Variants in VSTM2B observed in about 807,000 individuals in gnomAD.
The protein encoded by VSTM2B is V-set and transmembrane domain containing 2B.
In VSTM2B, 24 loss-of-function variants were observed where a neutral mutation model predicts 24.0. The observed-to-expected ratio is 1.00, with a 90% CI of 0.72 to 1.40. The LOEUF (loss-of-function observed/expected upper bound fraction) is 1.40. Ranked by LOEUF, VSTM2B falls within the 40% of genes most tolerant of loss-of-function variation. The probability of loss-of-function intolerance (pLI) is 0.00; values close to 1 mark genes in which losing one functional copy is unlikely to be tolerated. For missense variants in VSTM2B, 399 were observed against 416.4 expected, an observed-to-expected ratio of 0.96 and a Z score of 0.36; for synonymous variants, 226 against 194.4, an observed-to-expected ratio of 1.16 and a Z score of -1.35.
chr19:29,526,632 C>T lies in VSTM2B; in HGVS notation c.49C>T (p.Leu17=). Residue 17 remains leucine, a synonymous_variant, in exon 1 of 5, where the codon CTG becomes TTG. Transcript: ENST00000335523. The surrounding 1 kb of genome is among the most constrained non-coding windows in gnomAD (Gnocchi z 4.1). ...TGCCCTCGGATACCTGCCGCCTCTG[C>T]TGCTGCATGCCCTGCTGCTCTTCGT... is the stretch of plus-strand genomic sequence containing the variant. ...LGALGYLPPL[L]LHALLLFVAD... The T allele has an allele frequency of 6.5e-7, 1 of 1,531,296 alleles. No homozygotes were observed. The allele number at this position is 1,531,296 out of a possible 1,614,324, so 94.9% of individuals were successfully genotyped here. A position where few individuals can be genotyped will look rare whatever the true frequency, so the allele number is the denominator to read the frequency against.
chr19:29,529,952 C>A lies in VSTM2B; in HGVS notation c.431C>A (p.Ala144Glu), dbSNP rs1247409276. ...GACACGCAGGAGCACAAGGCCCAGG[C>A]GATGCTGCGCGTGCTCTCGCGCTTC... ...DDDTQEHKAQAMLRVLSRFAP... is the reference protein window; with the variant it reads ...DDDTQEHKAQEMLRVLSRFAP... Residue 144 changes from alanine (A) to glutamate (E), a missense_variant, in exon 4 of 5, where the codon GCG becomes GAG. Ala to Glu is a moderately radical substitution (Grantham distance 107). Coordinates refer to ENST00000335523, the MANE Select transcript of VSTM2B (RefSeq NM_001146339.2). 3.2e-6 allele frequency: 5 copies of A among 1,548,878 alleles called. No individual in the cohort carries two copies. The highest frequency in any genetic ancestry group is 3.9e-5 in the Admixed American group (2 of 50,986).
intron 4 of VSTM2B, among the ~76,000 whole-genome samples, chr19:29,531,660 G>A (rs1464926672): frequency 6.6e-6 from 1 of 152,210 alleles, no homozygotes; most frequent in East Asian, 1.9e-4. Flanking sequence ...ATGCCACACA[G>A]GAGCCCACAA....
rs984591487 is a variant in VSTM2B at position 29,564,055 on chromosome 19, A to T, written c.*121A>T. The T allele has an allele frequency of 1.4e-6, 1 of 727,028 alleles. No homozygotes were observed. Among genetic ancestry groups the T allele is most frequent in the Admixed American group, 2.8e-5 (1 of 36,174 alleles). 45.0% of individuals were successfully genotyped at this position (727,028 alleles called of 1,614,324 possible). On this transcript the variant is annotated 3_prime_UTR_variant, in exon 5 of 5. Coordinates refer to ENST00000335523, the MANE Select transcript of VSTM2B (RefSeq NM_001146339.2). Reference sequence around the variant, plus strand: ...GAGACGCATGAAAAAGTCCACATGGAAAATAAATAAATCATATTTTTGGGA... The same window carrying T: ...GAGACGCATGAAAAAGTCCACATGGTAAATAAATAAATCATATTTTTGGGA...
chr19:29,544,911 C>T (rs958192132), intron 4 of VSTM2B, among the ~76,000 whole-genome samples: 5 of 152,292 alleles, frequency 3.3e-5, no homozygotes, highest in African/African-American at 4.8e-5. Context: ...GTCAGGGTTC[C>T]GGCACCGTGC....
intron 3 of VSTM2B, 61 bp downstream of exon 3, chr19:29,528,523 G>T: frequency 6.5e-7 from 1 of 1,545,238 alleles, no homozygotes; most frequent in South Asian, 1.2e-5. Flanking sequence ...GGGTCCCGCA[G>T]CTCCCTCCCT....
At position 29,526,885 on chromosome 19, in the gene VSTM2B, C is replaced by T. The variant is rs989662853; in HGVS notation, c.82+220C>T. 8.2e-6 allele frequency: 4 copies of T among 488,830 alleles called. No individual in the cohort carries two copies. Among genetic ancestry groups the T allele is most frequent in the Non-Finnish European group, 1.1e-5 (3 of 282,762 alleles). 30.3% of individuals were successfully genotyped at this position (488,830 alleles called of 1,614,324 possible). ...GTTCCCAGTCCCGCCGGGGCCCCGG[C>T]TGCGGAAAGGATGCCTGCGGGGAGC... On this transcript the variant is annotated intron_variant, in intron 1 of 4. Transcript: ENST00000335523. This position sits in a 1 kb window ranked among gnomAD's most constrained non-coding sequence, Gnocchi z 4.1.
At chr19:29,528,933 G>A (rs905397837) in intron 3 of VSTM2B, 160 of 985,350 alleles carry the variant, frequency 1.6e-4, no homozygotes, top group Non-Finnish European at 1.8e-4. Context: ...TGGGTGCGGG[G>A]TGTTGCAGGC....
intron 4 of VSTM2B, among the ~76,000 whole-genome samples, chr19:29,545,230 T>G (rs1970124643): frequency 6.6e-6 from 1 of 151,326 alleles, no homozygotes; most frequent in Admixed American, 6.6e-5. Flanking sequence ...GGGAGAGAGG[T>G]AGCCAGGCGA....
chr19:29,526,673 C>T lies in VSTM2B; in HGVS notation c.82+8C>T. ...TGCTCTTCGTGGCCGACGGTGAGCG[C>T]GGGAACTTTGCTGCCGCTGTGGACT... On this transcript the variant is annotated splice_region_variant and intron_variant, in intron 1 of 4. Transcript: ENST00000335523. This position sits in a 1 kb window ranked among gnomAD's most constrained non-coding sequence, Gnocchi z 4.1. 2 of 1,527,158 alleles carry T rather than the reference C, an allele frequency of 1.3e-6. No individual in the cohort carries two copies. The highest frequency in any genetic ancestry group is 2.4e-5 in the South Asian group (2 of 82,578). The allele number at this position is 1,527,158 out of a possible 1,614,324, so 94.6% of individuals were successfully genotyped here.
chr19:29,527,652 C>A (rs1969618829), intron 2 of VSTM2B, among the ~76,000 whole-genome samples: 1 of 152,242 alleles, frequency 6.6e-6, no homozygotes, highest in African/African-American at 2.4e-5. Flanking sequence ...AAGAGCCACA[C>A]CTCAGCCTGG....
intron 4 of VSTM2B, among the ~76,000 whole-genome samples, chr19:29,541,614 G>C (rs1051886092): frequency 1.3e-5 from 2 of 152,090 alleles, no homozygotes; most frequent in Non-Finnish European, 2.9e-5. Flanking sequence ...GATAATAAAT[G>C]GATGGGTGGA....
upstream of VSTM2B, chr19:29,525,518 C>T (rs1969535697): frequency 6.6e-6 from 1 of 152,248 alleles, no homozygotes; most frequent in African/African-American, 2.4e-5. Context: ...GCACTGCAGA[C>T]TCCCGGCGCT....
At chr19:29,539,671 G>A (rs1368456) in intron 4 of VSTM2B, among the ~76,000 whole-genome samples, 82,294 of 152,146 alleles carry the variant, frequency 0.54, 23,338 homozygotes, top group African/African-American at 0.72. Flanking sequence ...TTTCATGTTC[G>A]CATCCACCCC....
In VSTM2B at chr19:29,529,869, C is replaced by G. The variant is rs1398613447; in HGVS notation, c.348C>G (p.Ala116=). ...NDISHRLRLS[A]VRLQDEGVYE... ...TCTCACACCGGCTTCGGCTGTCTGCCGTGCGGCTGCAGGACGAGGGCGTGT... is the reference window on the plus strand; with the variant it reads ...TCTCACACCGGCTTCGGCTGTCTGCGGTGCGGCTGCAGGACGAGGGCGTGT... The change falls in exon 4 of 5, where the codon GCC becomes GCG. Residue 116 remains alanine, a synonymous_variant. Transcript: ENST00000335523. The G allele has an allele frequency of 3.2e-6, 5 of 1,549,988 alleles. No individual in the cohort carries two copies. The highest frequency in any genetic ancestry group is 4.4e-6 in the Non-Finnish European group (5 of 1,146,754).
At chr19:29,560,432 G>A (rs1389792224) in intron 4 of VSTM2B, among the ~76,000 whole-genome samples, 1 of 152,196 alleles carries the variant, frequency 6.6e-6, no homozygotes, top group Admixed American at 6.5e-5. Context: ...AGGCTTGGAA[G>A]CCCATCTCTC....
In VSTM2B at chr19:29,563,922, C is replaced by A; in HGVS notation, c.846C>A (p.Leu282=). Residue 282 remains leucine, a synonymous_variant, in exon 5 of 5, where the codon CTC becomes CTA. Transcript: ENST00000335523. ...CTCTGCATAAGTTCCTGCGCCTGCT[C>A]TTGGGACATTGACAGACAAGACCAA... ...LLALHKFLRL[L]LGH The A allele has an allele frequency of 6.4e-7, 1 of 1,552,390 alleles. No individual in the cohort carries two copies. The highest frequency in any genetic ancestry group is 1.2e-5 in the South Asian group (1 of 84,062).
chr19:29,551,077 C>T (rs1340286220), intron 4 of VSTM2B, among the ~76,000 whole-genome samples: 1 of 152,240 alleles, frequency 6.6e-6, no homozygotes, highest in African/African-American at 2.4e-5. Flanking sequence ...GCAGTGGCTG[C>T]CCTGGCGAGC....
chr19:29,531,014 G>A (rs1052985376), intron 4 of VSTM2B, among the ~76,000 whole-genome samples: 2 of 151,218 alleles, frequency 1.3e-5, no homozygotes, highest in East Asian at 2.0e-4. Flanking sequence ...GGGGCGGGAT[G>A]TGAGAAGGCA....
chr19:29,550,306 G>A (rs1020699923), intron 4 of VSTM2B, among the ~76,000 whole-genome samples: 5 of 152,216 alleles, frequency 3.3e-5, no homozygotes, highest in Admixed American at 2.6e-4. Context: ...ATGGTGGCAT[G>A]TGCCTGTAGT....
Sources: allele counts gnomAD v4.1 joint callset (sites outside exome capture counted in the v4.1 genomes callset), GRCh38; gene constraint gnomAD v4.1.1; non-coding constraint Gnocchi (gnomAD v3.1); transcripts MANE v1.5; gene names NCBI Gene and HGNC (gene_info 2026-07-23, HGNC 2026-07-21).